TRIML1: variants seen among roughly 807,000 people sequenced by gnomAD.
The protein encoded by TRIML1 is probable E3 ubiquitin-protein ligase TRIML1.
In TRIML1, 34 loss-of-function variants were observed where a neutral mutation model predicts 32.3. The ratio of observed to expected loss-of-function variants is 1.05; its 90% CI spans 0.80 to 1.40. The LOEUF is 1.40. TRIML1 is among the 40% of genes most tolerant of loss of function. The probability of loss-of-function intolerance (pLI) is 0.00; values close to 1 mark genes in which losing one functional copy is unlikely to be tolerated. For missense variants in TRIML1, 595 were observed against 574.9 expected (o/e 1.03, Z -0.36); for synonymous variants, 244 against 226.6 (o/e 1.08, Z -0.69).
intron 5 of TRIML1, among the ~76,000 whole-genome samples, chr4:188,144,613 C>T (rs1340134083): frequency 1.3e-5 from 2 of 151,584 alleles, no homozygotes; most frequent in East Asian, 2.0e-4. Flanking sequence ...CCGCCCGCCT[C>T]GGCCTCCCAA....
intron 4 of TRIML1, 85 bp from the exon 5 acceptor site, chr4:188,143,951 G>C (rs1432799192): frequency 6.2e-6 from 10 of 1,605,328 alleles, no homozygotes; most frequent in Non-Finnish European, 8.5e-6. Flanking sequence ...CTGCGCTGTT[G>C]CTGGGGGAGA....
rs1240032686 is a variant in TRIML1 at position 188,142,408 on chromosome 4, C to T, written c.661C>T (p.Gln221Ter). ...LRNNEIKLTQ[Q>*]IRSLSKMIAQ... is the part of the protein sequence containing the mutation. ...GAACAATGAGATCAAACTGACCCAG[C>T]AAATCAGAAGCCTAAGCAAAATGAT... Residue 221 changes from glutamine (Q) to a stop codon, truncating the protein, a stop_gained, in exon 3 of 6, where the codon CAA (glutamine) becomes TAA (stop). Coordinates refer to ENST00000332517, the MANE Select transcript of TRIML1 (RefSeq NM_178556.5). LOFTEE classifies it high-confidence loss of function. 4.3e-6 allele frequency: 7 copies of T among 1,613,644 alleles called. No homozygotes were observed. The Admixed American group carries it at 5.0e-5, about 12-fold the overall frequency.
chr4:188,150,344 G>C (rs183422471), downstream of TRIML1, among the ~76,000 whole-genome samples: 672 of 151,066 alleles, frequency 4.4e-3, 9 homozygotes, highest in African/African-American at 0.016. Context: ...GGCCAGGCTG[G>C]TCTTGAATTC....
At chr4:188,146,721 A>G in intron 5 of TRIML1, 101 bp from the exon 6 acceptor site, 2 of 1,017,930 alleles carry the variant, frequency 2.0e-6, no homozygotes. Flanking sequence ...ATTACATTTA[A>G]AAAACCAGGA....
intron 2 of TRIML1, among the ~76,000 whole-genome samples, chr4:188,141,885 G>T (rs1266133972): frequency 1.3e-5 from 2 of 151,980 alleles, no homozygotes; most frequent in African/African-American, 4.8e-5. Flanking sequence ...GGCTGAGGAG[G>T]GTGGGTCACC....
intron 2 of TRIML1, 88 bp downstream of exon 2, chr4:188,140,711 A>C: frequency 4.9e-6 from 5 of 1,030,792 alleles, no homozygotes; most frequent in Non-Finnish European, 7.3e-6. Flanking sequence ...GAAAAAAAAA[A>C]GACAAATTTT....
At chr4:188,148,260 G>A (rs892471373), downstream of TRIML1, among the ~76,000 whole-genome samples, 6 of 152,042 alleles carry the variant, frequency 3.9e-5, no homozygotes, top group Admixed American at 1.3e-4. Context: ...TTGGGAGGCC[G>A]AGGTGGGTGG....
Position 188,147,310 on chromosome 4 carries a change from C to T in TRIML1, c.1345C>T (p.Leu449Phe), listed in dbSNP as rs1735124628. ...CCTCAGGCCTATCTTTTCCCCCTGC[C>T]TCCCAAATGAGGGGACAAACACAGA... ...EALRPIFSPC[L>F]PNEGTNTDPL... The change falls in exon 6 of 6, where the codon CTC becomes TTC. Residue 449 changes from leucine to phenylalanine, a missense_variant. Physicochemically the swap from Leu to Phe is conservative, Grantham distance 22. Transcript: ENST00000332517. 3.3e-6 allele frequency: 5 copies of T among 1,536,726 alleles called. No homozygotes were observed. Among genetic ancestry groups the T allele is most frequent in the Non-Finnish European group, 4.4e-6 (5 of 1,143,936 alleles).
upstream of TRIML1, among the ~76,000 whole-genome samples, chr4:188,137,516 T>C (rs1399077984): frequency 6.8e-6 from 1 of 146,728 alleles, no homozygotes; most frequent in Non-Finnish European, 1.5e-5. Flanking sequence ...TCGCTTTTGT[T>C]GCCCAGGCTG....
chr4:188,150,497 A>G (rs74612075), downstream of TRIML1, among the ~76,000 whole-genome samples: 6,041 of 152,330 alleles, frequency 0.04, 147 homozygotes, highest in Non-Finnish European at 0.06. Context: ...AATGATAAAA[A>G]GCAAACAGCA....
chr4:188,145,800 G>A (rs1260932141), intron 5 of TRIML1, among the ~76,000 whole-genome samples: 4 of 152,106 alleles, frequency 2.6e-5, no homozygotes, highest in Admixed American at 1.3e-4. Context: ...TGGGCAACAA[G>A]AGCAAAACTG....
intron 5 of TRIML1, among the ~76,000 whole-genome samples, chr4:188,145,943 T>C (rs1395522089): frequency 1.3e-5 from 2 of 152,208 alleles, no homozygotes; most frequent in Non-Finnish European, 2.9e-5. Flanking sequence ...CATGACATAA[T>C]GAAAAAGGCT....
At chr4:188,145,771 G>A (rs375725358) in intron 5 of TRIML1, among the ~76,000 whole-genome samples, 9 of 152,170 alleles carry the variant, frequency 5.9e-5, no homozygotes, top group South Asian at 2.1e-4. Context: ...AGTCAAGATC[G>A]CGTCATTGCA....
Position 188,147,114 on chromosome 4 carries a change from CGGA to C in TRIML1, c.1151_1153del (p.Gly384del). The C allele has an allele frequency of 1.2e-6, 2 of 1,614,036 alleles. No homozygotes were observed. Among genetic ancestry groups the C allele is most frequent in the South Asian group, 2.2e-5 (2 of 91,076 alleles). ...TGTTCTCACTAATAGGTTTAAAAAT[CGGA>C]GATGATTACAGCCTCTGGGTCTCGT... On this transcript the variant is annotated inframe_deletion, in exon 6 of 6. Coordinates refer to ENST00000332517, the MANE Select transcript of TRIML1 (RefSeq NM_178556.5).
At chr4:188,144,242 A>C (rs1157234179) in intron 5 of TRIML1, 109 bp downstream of exon 5, 1 of 981,958 alleles carries the variant, frequency 1.0e-6, no homozygotes, top group African/African-American at 1.6e-5. Flanking sequence ...TGGTTAAGGA[A>C]TCCGGGCCAG....
intron 1 of TRIML1, 139 bp downstream of exon 1, chr4:188,140,105 A>C: frequency 1.1e-6 from 1 of 871,598 alleles, no homozygotes; most frequent in South Asian, 1.9e-5. Flanking sequence ...GCGTGGGTCC[A>C]GTTTACACCC....
intron 2 of TRIML1, among the ~76,000 whole-genome samples, chr4:188,141,922 A>G (rs978383190): frequency 2.6e-5 from 4 of 151,870 alleles, no homozygotes; most frequent in Admixed American, 6.6e-5. Flanking sequence ...GACAATCCTG[A>G]CCAACATGGT....
intron 5 of TRIML1, among the ~76,000 whole-genome samples, chr4:188,144,571 C>A (rs1203117530): frequency 6.8e-6 from 1 of 148,064 alleles, no homozygotes; most frequent in Non-Finnish European, 1.5e-5. Flanking sequence ...ACTGTGTTAG[C>A]CAGGATGGTC....
chr4:188,144,710 C>T (rs886722640), intron 5 of TRIML1, among the ~76,000 whole-genome samples: 2 of 152,018 alleles, frequency 1.3e-5, no homozygotes, highest in Non-Finnish European at 2.9e-5. Context: ...TTCCATCCCC[C>T]CCTTGCACGT....
Sources: gnomAD v4.1 joint callset for allele counts (sites outside exome capture counted in the v4.1 genomes callset) on GRCh38, gnomAD v4.1.1 for gene constraint, MANE v1.5 for transcripts, NCBI Gene and HGNC (gene_info 2026-07-23, HGNC 2026-07-21) for gene names.